TMEM38A: variants seen among roughly 807,000 people sequenced by gnomAD.
TMEM38A encodes transmembrane protein 38A.
Under a neutral mutation model 28.6 loss-of-function variants are expected in TMEM38A, and 17 were observed. The observed-to-expected ratio is 0.60, with a 90% CI of 0.41 to 0.89. TMEM38A has a LOEUF of 0.89. Ranked by LOEUF, TMEM38A falls within the 40% of genes least tolerant of loss-of-function variation. The pLI is 0.00. For missense variants in TMEM38A, 328 were observed against 393.1 expected (o/e 0.83, Z 1.40); for synonymous variants, 169 against 166.1 (o/e 1.02, Z -0.14).
chr19:16,663,361 T>C (rs2086690294), intron 1 of TMEM38A, among the ~76,000 whole-genome samples: 5 of 151,896 alleles, frequency 3.3e-5, no homozygotes, highest in African/African-American at 1.2e-4. Flanking sequence ...AAAAGAGGTC[T>C]CCAAGCTGCC....
intron 1 of TMEM38A, among the ~76,000 whole-genome samples, chr19:16,668,589 C>G (rs575658062): frequency 5.3e-5 from 8 of 152,008 alleles, no homozygotes; most frequent in African/African-American, 1.9e-4. Flanking sequence ...ATCCACCTGC[C>G]TTGGCTTCCC....
chr19:16,675,640 C>T (rs1005897313), intron 1 of TMEM38A, among the ~76,000 whole-genome samples: 1 of 151,638 alleles, frequency 6.6e-6, no homozygotes, highest in South Asian at 2.1e-4. Flanking sequence ...CCTCTGCCTC[C>T]CGGGTTGAAG....
chr19:16,686,298 G>A lies in TMEM38A; in HGVS notation c.565G>A (p.Ala189Thr). Reference protein sequence around the residue: ...EILHMSFPTKASLYGAILFTL... With the variant: ...EILHMSFPTKTSLYGAILFTL... ...AGCTGCTCCCTCCAGCCCCACCAAG[G>A]CCAGCCTGTATGGAGCCATCCTCTT... Residue 189 changes from alanine to threonine, a missense_variant, in exon 5 of 6, where the codon GCC becomes ACC. Coordinates refer to ENST00000187762, the MANE Select transcript of TMEM38A (RefSeq NM_024074.4). The A allele has an allele frequency of 5.6e-6, 9 of 1,612,258 alleles. No individual in the cohort carries two copies. Among genetic ancestry groups the A allele is most frequent in the East Asian group, 4.5e-5 (2 of 44,854 alleles).
intron 3 of TMEM38A, chr19:16,680,839 T>G (rs1463035680): frequency 2.1e-6 from 1 of 482,204 alleles, no homozygotes; most frequent in East Asian, 3.7e-5. Flanking sequence ...GCAGGTTTTC[T>G]CACTTGCAGC....
chr19:16,677,998 GT>G (rs1270344374), intron 1 of TMEM38A, among the ~76,000 whole-genome samples: 1 of 152,156 alleles, frequency 6.6e-6, no homozygotes, highest in Non-Finnish European at 1.5e-5. Context: ...GAGACAGAAA[GT>G]AGAATGGTGC....
rs960905301 is a variant in TMEM38A at position 16,678,378 on chromosome 19, G to T, written c.125-1606G>T. ...CGGGAGGAGGAGGTTGCAGTGAGCC[G>T]AGATCGCGCCACCGCGCTCCAGCCT... On this transcript the variant is annotated intron_variant, in intron 1 of 5. Coordinates refer to ENST00000187762, the MANE Select transcript of TMEM38A (RefSeq NM_024074.4). Among the ~76,000 whole-genome samples, 7 of 145,154 alleles carry T rather than the reference G, an allele frequency of 4.8e-5. No homozygotes were observed. In the Admixed American group the frequency reaches 4.9e-4, roughly 10 times the overall value.
intron 1 of TMEM38A, among the ~76,000 whole-genome samples, chr19:16,662,987 A>G (rs975704476): frequency 6.6e-6 from 1 of 151,956 alleles, no homozygotes; most frequent in Non-Finnish European, 1.5e-5. Context: ...GAACCTTAGA[A>G]AATCTGAAAC....
At chr19:16,681,712 G>T (rs1031706219) in intron 3 of TMEM38A, among the ~76,000 whole-genome samples, 1 of 152,200 alleles carries the variant, frequency 6.6e-6, no homozygotes, top group African/African-American at 2.4e-5. Flanking sequence ...CCCTGGCCTC[G>T]ACTCACTAAA....
chr19:16,663,347 T>G (rs1309872217), intron 1 of TMEM38A, among the ~76,000 whole-genome samples: 2 of 151,770 alleles, frequency 1.3e-5, no homozygotes, highest in South Asian at 2.1e-4. Flanking sequence ...ACAAATGTCT[T>G]GAGAAAAGAG....
At chr19:16,674,909 C>T (rs894547310) in intron 1 of TMEM38A, among the ~76,000 whole-genome samples, 1 of 152,138 alleles carries the variant, frequency 6.6e-6, no homozygotes, top group African/African-American at 2.4e-5. Flanking sequence ...ACACAGCCCC[C>T]ATTCAGTGGC....
intron 4 of TMEM38A, 143 bp downstream of exon 4, chr19:16,682,651 G>A: frequency 1.4e-6 from 1 of 720,332 alleles, no homozygotes; most frequent in Non-Finnish European, 2.4e-6. Flanking sequence ...GACTGGGGAA[G>A]CTCAAAGCAG....
chr19:16,678,426 T>G (rs1196932013), intron 1 of TMEM38A, among the ~76,000 whole-genome samples: 1 of 79,426 alleles, frequency 1.3e-5, no homozygotes, highest in African/African-American at 5.6e-5. Flanking sequence ...AGACTCTGTC[T>G]CAAAAAAAAA....
chr19:16,670,795 C>T (rs974959011), intron 1 of TMEM38A, among the ~76,000 whole-genome samples: 8 of 152,096 alleles, frequency 5.3e-5, no homozygotes, highest in East Asian at 1.9e-4. Flanking sequence ...AAAAGTTAGC[C>T]GGGCCTGGTG....
intron 1 of TMEM38A, among the ~76,000 whole-genome samples, chr19:16,666,569 T>C (rs948456971): frequency 6.6e-6 from 1 of 152,098 alleles, no homozygotes; most frequent in South Asian, 2.1e-4. Context: ...CAACTGTGCC[T>C]GGCTGGGTGA....
chr19:16,677,898 C>T (rs1385278621), intron 1 of TMEM38A, among the ~76,000 whole-genome samples: 1 of 152,066 alleles, frequency 6.6e-6, no homozygotes, highest in South Asian at 2.1e-4. Flanking sequence ...GGGGATGAAG[C>T]TTGAGGACAT....
At chr19:16,674,522 G>A (rs925714281) in intron 1 of TMEM38A, among the ~76,000 whole-genome samples, 28 of 150,618 alleles carry the variant, frequency 1.9e-4, no homozygotes, top group East Asian at 2.0e-4. Context: ...ACCCAAGGCC[G>A]GGCGCCGTGG....
intron 4 of TMEM38A, among the ~76,000 whole-genome samples, chr19:16,684,125 G>A (rs535643652): frequency 1.3e-5 from 2 of 151,134 alleles, no homozygotes; most frequent in South Asian, 4.2e-4. Context: ...GCAAGACTCT[G>A]TCTCAAAGAA....
At chr19:16,686,659 C>G (rs1320575611) in intron 5 of TMEM38A, among the ~76,000 whole-genome samples, 1 of 152,126 alleles carries the variant, frequency 6.6e-6, no homozygotes, top group Non-Finnish European at 1.5e-5. Context: ...TGGGCCCACT[C>G]TCTTGGGTAC....
chr19:16,678,284 T>C (rs1248688525), intron 1 of TMEM38A, among the ~76,000 whole-genome samples: 2 of 151,918 alleles, frequency 1.3e-5, no homozygotes, highest in South Asian at 2.1e-4. Context: ...CAAAAATTAG[T>C]TGGGCGTGGT....
Sources: gnomAD v4.1 joint callset for allele counts (sites outside exome capture counted in the v4.1 genomes callset) on GRCh38, gnomAD v4.1.1 for gene constraint, MANE v1.5 for transcripts, NCBI Gene and HGNC (gene_info 2026-07-23, HGNC 2026-07-21) for gene names.